DEPTOR: variants seen among roughly 807,000 people sequenced by gnomAD.
DEPTOR encodes the protein DEP domain containing MTOR interacting protein, also known as DEP domain-containing mTOR-interacting protein.
DEPTOR carries 41 observed loss-of-function variants against 41.6 expected under a neutral mutation model. The ratio of observed to expected loss-of-function variants is 0.98; its 90% confidence interval spans 0.77 to 1.28. The LOEUF (loss-of-function observed/expected upper bound fraction) is 1.28. Among genes scored for constraint, DEPTOR ranks in the 50% most tolerant of loss-of-function variants. The probability of loss-of-function intolerance (pLI) is 0.00; values close to 1 mark genes in which losing one functional copy is unlikely to be tolerated. For synonymous variants in DEPTOR, 195 were observed against 192.3 expected (o/e 1.01, Z -0.12); for missense variants, 514 against 527.9 (o/e 0.97, Z 0.26).
Position 119,968,154 on chromosome 8 carries a change from GA to G in DEPTOR, c.604+2746del, listed in dbSNP as rs1189019453. On this transcript the variant is annotated intron_variant, in intron 4 of 8. Transcript: ENST00000286234. ...TTATAGAAGCAATTAGAGAACAGTA[GA>G]AGATGTGCTATCTATTTCATTTATT... Among the ~76,000 whole-genome samples, 7 of 152,272 alleles carry G rather than the reference GA, an allele frequency of 4.6e-5. No homozygotes were observed. The East Asian group carries it at 1.3e-3, about 29-fold the overall frequency.
At chr8:119,963,757 T>C (rs536569685) in intron 3 of DEPTOR, among the ~76,000 whole-genome samples, 136 of 152,246 alleles carry the variant, frequency 8.9e-4, no homozygotes, top group African/African-American at 3.2e-3. Flanking sequence ...TGGAGCTATT[T>C]TGGAGATGTG....
intron 8 of DEPTOR, among the ~76,000 whole-genome samples, chr8:120,036,475 C>T (rs1039592215): frequency 5.3e-5 from 8 of 152,172 alleles, no homozygotes; most frequent in South Asian, 2.1e-4. Context: ...CCCACACAGT[C>T]ACTCCACAGC....
intron 4 of DEPTOR, among the ~76,000 whole-genome samples, chr8:119,968,173 C>CATTT (rs991112641): frequency 6.6e-6 from 1 of 152,232 alleles, no homozygotes; most frequent in African/African-American, 2.4e-5. Flanking sequence ...CTATCTATTT[C>CATTT]ATTTATTTAT....
At chr8:119,999,506 C>G (rs376139566) in intron 4 of DEPTOR, among the ~76,000 whole-genome samples, 8 of 151,936 alleles carry the variant, frequency 5.3e-5, no homozygotes, top group Non-Finnish European at 1.2e-4. Context: ...TGCCTGCAGT[C>G]CTAGCTACTT....
chr8:120,028,452 C>CTTTTT lies in DEPTOR; in HGVS notation c.1101+19337_1101+19341dup, dbSNP rs754049805. 7.6e-3 allele frequency among the ~76,000 whole-genome samples: 812 copies of CTTTTT among 107,346 alleles called. 21 individuals are homozygous for CTTTTT. Among genetic ancestry groups the CTTTTT allele is most frequent in the African/African-American group, 0.027 (764 of 28,150 alleles). The allele number at this position is 107,346 out of a possible 152,430, so 70.4% of individuals were successfully genotyped here. ...ACCAAGCAAAGAAACAGCTCCAAAT[C>CTTTTT]TTTTTTTTTTTTTTTTTTTTTTCCT... On this transcript the variant is annotated intron_variant, in intron 8 of 8. Coordinates refer to ENST00000286234, the MANE Select transcript of DEPTOR (RefSeq NM_022783.4).
intron 1 of DEPTOR, among the ~76,000 whole-genome samples, chr8:119,912,101 A>G (rs1226291363): frequency 6.6e-6 from 1 of 152,214 alleles, no homozygotes; most frequent in East Asian, 1.9e-4. Flanking sequence ...CTGTTGGATG[A>G]AAGAACACAT....
intron 1 of DEPTOR, among the ~76,000 whole-genome samples, chr8:119,917,101 G>A (rs1563965016): frequency 1.3e-5 from 2 of 152,130 alleles, no homozygotes; most frequent in African/African-American, 2.4e-5. Flanking sequence ...CAGTGACTCC[G>A]GCAAGAGATC....
At chr8:119,927,353 G>T (rs958652313) in intron 1 of DEPTOR, among the ~76,000 whole-genome samples, 1 of 151,912 alleles carries the variant, frequency 6.6e-6, no homozygotes, top group Non-Finnish European at 1.5e-5. Flanking sequence ...GGAATGTATC[G>T]ATTCATGTAA....
chr8:120,000,662 C>T (rs1198934703), intron 4 of DEPTOR, among the ~76,000 whole-genome samples: 1 of 151,942 alleles, frequency 6.6e-6, no homozygotes, highest in African/African-American at 2.4e-5. Flanking sequence ...GAGGATTCAC[C>T]ATGTTGGCCA....
chr8:119,922,067 G>A lies in DEPTOR; in HGVS notation c.123-6333G>A, dbSNP rs533630716. 2.3e-3 allele frequency among the ~76,000 whole-genome samples: 348 copies of A among 151,810 alleles called. 2 individuals are homozygous for A. The highest frequency in any genetic ancestry group is 7.6e-3 in the African/African-American group (316 of 41,410). On this transcript the variant is annotated intron_variant, in intron 1 of 8. Coordinates refer to ENST00000286234, the MANE Select transcript of DEPTOR (RefSeq NM_022783.4). Reference sequence around the variant, plus strand: ...AGCCTAGCCAACATGATGAAACCCCGTCTCTCCTAAAAATACAAAAAATTA... The same window carrying A: ...AGCCTAGCCAACATGATGAAACCCCATCTCTCCTAAAAATACAAAAAATTA...
intron 4 of DEPTOR, among the ~76,000 whole-genome samples, chr8:119,985,684 A>G (rs1217068502): frequency 6.6e-6 from 1 of 151,958 alleles, no homozygotes; most frequent in Non-Finnish European, 1.5e-5. Flanking sequence ...GTTCTCCTGT[A>G]TTGTGTGTAT....
chr8:120,023,800 G>T (rs201824105), intron 8 of DEPTOR, among the ~76,000 whole-genome samples: 18 of 144,806 alleles, frequency 1.2e-4, no homozygotes, highest in Middle Eastern at 3.5e-3. Context: ...CACCTATTTT[G>T]TTTTTTTTTT....
chr8:119,995,145 C>T (rs2130063303), intron 4 of DEPTOR, among the ~76,000 whole-genome samples: 1 of 152,196 alleles, frequency 6.6e-6, no homozygotes, highest in East Asian at 1.9e-4. Flanking sequence ...ATATCTCTTA[C>T]ATAAATTATC....
intron 3 of DEPTOR, among the ~76,000 whole-genome samples, chr8:119,948,701 C>A (rs1276646702): frequency 2.0e-5 from 3 of 152,150 alleles, no homozygotes; most frequent in Non-Finnish European, 4.4e-5. Flanking sequence ...TATCACTCCC[C>A]TATGCCTTCA....
chr8:119,874,068 T>C (rs1827200228), intron 1 of DEPTOR, 100 bp downstream of exon 1: 2 of 1,560,588 alleles, frequency 1.3e-6, no homozygotes, highest in South Asian at 2.3e-5. Flanking sequence ...GGCTTGCGAC[T>C]CGCGTGGGGC....
rs559707257 is a variant in DEPTOR at position 119,895,248 on chromosome 8, T to C, written c.122+21280T>C. 2.4e-3 allele frequency among the ~76,000 whole-genome samples: 364 copies of C among 152,326 alleles called. 2 individuals carry two copies. Among genetic ancestry groups the C allele is most frequent in the African/African-American group, 7.8e-3 (323 of 41,580 alleles). On this transcript the variant is annotated intron_variant, in intron 1 of 8. Coordinates refer to ENST00000286234, the MANE Select transcript of DEPTOR (RefSeq NM_022783.4). Reference sequence around the variant, plus strand: ...TAAAAGTATGGGTGCCCTTCCTGCATTGAGCCTTTTAGTACCTTGTATAGA... The same window carrying C: ...TAAAAGTATGGGTGCCCTTCCTGCACTGAGCCTTTTAGTACCTTGTATAGA...
chr8:120,002,930 C>A, intron 5 of DEPTOR, 47 bp from the exon 6 acceptor site: 2 of 1,540,554 alleles, frequency 1.3e-6, no homozygotes, highest in East Asian at 4.9e-5. Context: ...CTCTAGTGAG[C>A]CGAGACCACC....
At position 119,903,499 on chromosome 8, in the gene DEPTOR, A is replaced by G. The variant is rs115126123; in HGVS notation, c.123-24901A>G. On this transcript the variant is annotated intron_variant, in intron 1 of 8. Transcript: ENST00000286234. Reference sequence around the variant, plus strand: ...ACCTTGCATGGTTGATTAACATACCATCTTTATGTCATCAACATAGTGAAG... The same window carrying G: ...ACCTTGCATGGTTGATTAACATACCGTCTTTATGTCATCAACATAGTGAAG... 2.3e-3 allele frequency among the ~76,000 whole-genome samples: 354 copies of G among 152,296 alleles called. 2 individuals are homozygous for G. The highest frequency in any genetic ancestry group is 8.0e-3 in the African/African-American group (331 of 41,568).
chr8:120,004,364 T>A (rs1254881655), intron 6 of DEPTOR, among the ~76,000 whole-genome samples: 1 of 152,182 alleles, frequency 6.6e-6, no homozygotes, highest in Non-Finnish European at 1.5e-5. Flanking sequence ...CGTTGAGTAC[T>A]GGGTTTTTCA....
Sources: gnomAD v4.1 joint callset for allele counts (sites outside exome capture counted in the v4.1 genomes callset) on GRCh38, gnomAD v4.1.1 for gene constraint, MANE v1.5 for transcripts, NCBI Gene and HGNC (gene_info 2026-07-23, HGNC 2026-07-21) for gene names.